Variants in MAML3 observed in about 807,000 individuals in gnomAD.
MAML3 encodes the protein mastermind like transcriptional coactivator 3.
In MAML3, 27 loss-of-function variants were observed where a neutral mutation model predicts 101.9. The observed-to-expected ratio is 0.27, with a 90% CI of 0.20 to 0.37. The LOEUF (loss-of-function observed/expected upper bound fraction) is 0.37, where lower values mean the gene tolerates loss of function less well. MAML3 is among the 10% of genes least tolerant of loss of function. The probability of loss-of-function intolerance (pLI) is 1.00; values close to 1 mark genes in which losing one functional copy is unlikely to be tolerated. For synonymous variants in MAML3, 501 were observed against 555.9 expected (o/e 0.90, Z 1.39); for missense variants, 1,316 against 1,444.9 (o/e 0.91, Z 1.45).
At chr4:139,956,017 G>C (rs1237618749) in intron 1 of MAML3, among the ~76,000 whole-genome samples, 1 of 152,210 alleles carries the variant, frequency 6.6e-6, no homozygotes, top group Admixed American at 6.5e-5. Flanking sequence ...GAGGAGGGTA[G>C]ATTTGTTACT....
intron 1 of MAML3, among the ~76,000 whole-genome samples, chr4:139,905,475 G>A: frequency 1.1e-5 from 1 of 93,418 alleles, no homozygotes; most frequent in African/African-American, 3.6e-5. Flanking sequence ...CCGGGCGGCA[G>A]AGCAAGACTC....
At chr4:139,865,503 T>TCG (rs1553961175) in intron 2 of MAML3, among the ~76,000 whole-genome samples, 1 of 149,634 alleles carries the variant, frequency 6.7e-6, no homozygotes, top group African/African-American at 2.5e-5. Flanking sequence ...TTTGTTTTTT[T>TCG]TTTTTTTCAT....
chr4:139,978,611 C>CAAAAAAAA lies in MAML3; in HGVS notation c.469-87652_469-87645dup, dbSNP rs71584346. ...CATGACTTCCCAGCATCAACCACAT[C>CAAAAAAAA]AAAAAAAAAGAGAGAGAGAGAGAGC... On this transcript the variant is annotated intron_variant, in intron 1 of 4. Coordinates refer to ENST00000509479, the MANE Select transcript of MAML3 (RefSeq NM_018717.5). Among the ~76,000 whole-genome samples the CAAAAAAAA allele has an allele frequency of 4.7e-4, 58 of 122,228 alleles. 3 individuals are homozygous for CAAAAAAAA. Among genetic ancestry groups the CAAAAAAAA allele is most frequent in the East Asian group, 1.2e-3 (4 of 3,230 alleles). 80.2% of individuals were successfully genotyped at this position (122,228 alleles called of 152,430 possible). A position where few individuals can be genotyped will look rare whatever the true frequency, so the allele number is the denominator to read the frequency against.
At chr4:139,918,863 C>T (rs946299188) in intron 1 of MAML3, among the ~76,000 whole-genome samples, 2 of 152,106 alleles carry the variant, frequency 1.3e-5, no homozygotes, top group African/African-American at 4.8e-5. Context: ...TTAATGCTCC[C>T]TCTGTTTACC....
At chr4:140,092,986 G>C (rs907569273) in intron 1 of MAML3, among the ~76,000 whole-genome samples, 1 of 152,186 alleles carries the variant, frequency 6.6e-6, no homozygotes, top group Non-Finnish European at 1.5e-5. Context: ...AAGTGGCAAG[G>C]ATTCCTGCAC....
intron 1 of MAML3, among the ~76,000 whole-genome samples, chr4:140,039,345 G>A (rs1164218016): frequency 6.6e-6 from 1 of 152,018 alleles, no homozygotes; most frequent in Non-Finnish European, 1.5e-5. Context: ...GGTCAATTGG[G>A]CATGTTCTAG....
chr4:139,725,739 C>A lies in MAML3; in HGVS notation c.2416+12G>T. ...GGAAGGTATAAAATGAGAGAGGTTGCACTGGCCTCACCTTGAAACTGATTG... is the reference window on the plus strand; with the variant it reads ...GGAAGGTATAAAATGAGAGAGGTTGAACTGGCCTCACCTTGAAACTGATTG... On this transcript the variant is annotated intron_variant, in intron 4 of 4. Coordinates refer to ENST00000509479, the MANE Select transcript of MAML3 (RefSeq NM_018717.5). The A allele has an allele frequency of 3.1e-6, 5 of 1,613,448 alleles. No homozygotes were observed. Among genetic ancestry groups the A allele is most frequent in the East Asian group, 2.2e-5 (1 of 44,880 alleles).
intron 2 of MAML3, among the ~76,000 whole-genome samples, chr4:139,831,902 C>A (rs1434661643): frequency 6.6e-6 from 1 of 151,686 alleles, no homozygotes; most frequent in Non-Finnish European, 1.5e-5. Flanking sequence ...AAGCGATTCT[C>A]CTGCCTCAGC....
At chr4:139,842,120 G>A (rs1560810849) in intron 2 of MAML3, among the ~76,000 whole-genome samples, 1 of 152,192 alleles carries the variant, frequency 6.6e-6, no homozygotes, top group Non-Finnish European at 1.5e-5. Flanking sequence ...CATCCCCTGG[G>A]AAGACTAGGG....
intron 1 of MAML3, among the ~76,000 whole-genome samples, chr4:140,032,393 T>C (rs1225470923): frequency 6.6e-6 from 1 of 152,220 alleles, no homozygotes; most frequent in African/African-American, 2.4e-5. Context: ...TGTAGACTGA[T>C]TTTAACCTGA....
chr4:140,033,358 A>C (rs984548452), intron 1 of MAML3, among the ~76,000 whole-genome samples: 11 of 152,230 alleles, frequency 7.2e-5, no homozygotes, highest in African/African-American at 2.7e-4. Flanking sequence ...GCAAAACCTG[A>C]GTGGCGAGGA....
chr4:140,056,362 T>TTC (rs1553971399), intron 1 of MAML3, among the ~76,000 whole-genome samples: 5 of 151,084 alleles, frequency 3.3e-5, no homozygotes, highest in South Asian at 2.1e-4. Flanking sequence ...TTCTTTTCTT[T>TTC]TTTTTTTTTT....
intron 1 of MAML3, among the ~76,000 whole-genome samples, chr4:139,952,100 G>A (rs1482135015): frequency 6.6e-6 from 1 of 152,164 alleles, no homozygotes; most frequent in Non-Finnish European, 1.5e-5. Context: ...AGGAGGCAGA[G>A]GCTGCAGTGA....
intron 1 of MAML3, among the ~76,000 whole-genome samples, chr4:139,974,323 T>G (rs1238228149): frequency 6.6e-6 from 1 of 152,086 alleles, no homozygotes; most frequent in African/African-American, 2.4e-5. Flanking sequence ...GCCAGGATGG[T>G]CTCGATCTCC....
intron 1 of MAML3, among the ~76,000 whole-genome samples, chr4:140,036,533 T>C (rs553544579): frequency 3.3e-5 from 5 of 152,326 alleles, no homozygotes; most frequent in Admixed American, 2.6e-4. Flanking sequence ...GCAACTTCTT[T>C]GATGGCTCAG....
chr4:139,992,473 A>G (rs1337074700), intron 1 of MAML3, among the ~76,000 whole-genome samples: 1 of 152,184 alleles, frequency 6.6e-6, no homozygotes, highest in Non-Finnish European at 1.5e-5. Context: ...CAACAGTAAT[A>G]TATGAGAATT....
intron 1 of MAML3, among the ~76,000 whole-genome samples, chr4:140,122,220 CTTTTTTTTT>C (rs369602172): frequency 8.0e-6 from 1 of 124,614 alleles, no homozygotes; most frequent in Non-Finnish European, 1.6e-5. Flanking sequence ...TCAAACGAGA[CTTTTTTTTT>C]TTTTTTTTTT....
At chr4:140,013,197 A>C (rs1726590724) in intron 1 of MAML3, among the ~76,000 whole-genome samples, 1 of 152,204 alleles carries the variant, frequency 6.6e-6, no homozygotes, top group Non-Finnish European at 1.5e-5. Context: ...ATATTTAAGG[A>C]GTCAAATGAT....
At chr4:140,014,864 G>T (rs933941993) in intron 1 of MAML3, among the ~76,000 whole-genome samples, 2 of 152,152 alleles carry the variant, frequency 1.3e-5, no homozygotes, top group Admixed American at 1.3e-4. Flanking sequence ...CTAATTATAT[G>T]TGTATAGGAA....
Sources: allele counts gnomAD v4.1 joint callset (sites outside exome capture counted in the v4.1 genomes callset), GRCh38; gene constraint gnomAD v4.1.1; transcripts MANE v1.5; gene names NCBI Gene and HGNC (gene_info 2026-07-23, HGNC 2026-07-21).